The following PRH1 variants were observed in gnomAD, a reference collection of about 807,000 sequenced individuals.
PRH1 encodes the protein salivary acidic proline-rich phosphoprotein 1/2.
Under a neutral mutation model 7.9 loss-of-function variants are expected in PRH1, and 7 were observed. The observed-to-expected ratio is 0.89, with a 90% confidence interval of 0.50 to 1.67. The LOEUF (loss-of-function observed/expected upper bound fraction) is 1.67. PRH1 is among the 40% of genes most tolerant of loss of function. The pLI is 0.00. For synonymous variants in PRH1, 45 were observed against 80.8 expected (o/e 0.56, Z 2.38); for missense variants, 109 against 223.6 (o/e 0.49, Z 3.27).
At chr12:10,997,133 G>A (rs757715588) in intron 1 of PRH1, 8 of 1,614,024 alleles carry the variant, frequency 5.0e-6, no homozygotes, top group South Asian at 2.2e-5. Flanking sequence ...ATTCCAAAAC[G>A]ATATGATTAG....
In PRH1 at chr12:10,899,820, G is replaced by A. The variant is rs144561220; in HGVS notation, c.-58-15545C>T. Among the ~76,000 whole-genome samples, 725 of 152,216 alleles carry A rather than the reference G, an allele frequency of 4.8e-3. 7 individuals carry two copies. The highest frequency in any genetic ancestry group is 0.017 in the African/African-American group (696 of 41,532). On this transcript the variant is annotated intron_variant, in intron 2 of 3. Coordinates refer to the PRH1 transcript ENST00000539853. ...GAATAATATTTATAAAATTATTTCAGTGAATTAAATTAGATAAAATGGACA... is the reference window on the plus strand; with the variant it reads ...GAATAATATTTATAAAATTATTTCAATGAATTAAATTAGATAAAATGGACA...
intron 1 of PRH1, among the ~76,000 whole-genome samples, chr12:11,027,531 C>G (rs1160598015): frequency 6.6e-6 from 1 of 152,240 alleles, no homozygotes; most frequent in Non-Finnish European, 1.5e-5. Context: ...AAAAGAGACA[C>G]AATGTTTTGG....
At chr12:11,071,878 C>G (rs1271215816) in intron 1 of PRH1, among the ~76,000 whole-genome samples, 6 of 152,280 alleles carry the variant, frequency 3.9e-5, no homozygotes, top group Admixed American at 3.9e-4. Context: ...GCTCAATAAC[C>G]CCCCTTACCT....
At chr12:10,984,176 G>A (rs901088056) in intron 1 of PRH1, among the ~76,000 whole-genome samples, 8 of 151,012 alleles carry the variant, frequency 5.3e-5, no homozygotes, top group African/African-American at 1.9e-4. Context: ...CTGAAAAATT[G>A]TATGCAAAGA....
chr12:11,135,305 T>C (rs1946515365), intron 1 of PRH1, among the ~76,000 whole-genome samples: 1 of 152,068 alleles, frequency 6.6e-6, no homozygotes, highest in Non-Finnish European at 1.5e-5. Context: ...GCATAGAAAT[T>C]TGAGATAGCT....
intron 1 of PRH1, chr12:10,997,858 G>C (rs1940372373): frequency 1.2e-6 from 2 of 1,600,524 alleles, no homozygotes; most frequent in Non-Finnish European, 1.7e-6. Flanking sequence ...AAAAAACAAT[G>C]TGTAGAAAAC....
intron 1 of PRH1, chr12:11,061,850 T>C (rs1307445629): frequency 3.1e-6 from 5 of 1,614,056 alleles, no homozygotes; most frequent in African/African-American, 1.3e-5. Context: ...ATCTGATTCA[T>C]GTTTATCACA....
At position 11,080,544 on chromosome 12, in the gene PRH1, G is replaced by T. The variant is rs1489781005; in HGVS notation, n.124-33356C>A. Among the ~76,000 whole-genome samples, 5 of 106,396 alleles carry T rather than the reference G, an allele frequency of 4.7e-5. 2 individuals are homozygous for T. Among genetic ancestry groups the T allele is most frequent in the Non-Finnish European group, 1.1e-4 (5 of 44,572 alleles). 69.8% of individuals were successfully genotyped at this position (106,396 alleles called of 152,430 possible). On this transcript the variant is annotated intron_variant and non_coding_transcript_variant, in intron 1 of 4. Transcript: ENST00000541977. ...ACATTCTCCTCACAGACATAAAAAAGCCAAAAACATAGTTTGACTAAATTT... is the reference window on the plus strand; with the variant it reads ...ACATTCTCCTCACAGACATAAAAAATCCAAAAACATAGTTTGACTAAATTT...
At chr12:10,922,818 A>ATTTTTTTTTTTT (rs1338757664) in intron 2 of PRH1, among the ~76,000 whole-genome samples, 4 of 16,448 alleles carry the variant, frequency 2.4e-4, no homozygotes, top group Admixed American at 1.2e-3. Flanking sequence ...TTTTCCATGA[A>ATTTTTTTTTTTT]TTTTTTCTTT....
chr12:11,091,113 C>CATATATATATATATATAT (rs1447599116), intron 1 of PRH1, among the ~76,000 whole-genome samples: 15 of 5,666 alleles, frequency 2.6e-3, no homozygotes, highest in African/African-American at 3.9e-3. Context: ...CACACACACA[C>CATATATATATATATATAT]ACATATATAT....
At chr12:10,908,410 C>A in intron 2 of PRH1, 1 of 1,612,940 alleles carries the variant, frequency 6.2e-7, no homozygotes, top group Non-Finnish European at 8.5e-7. Context: ...CATACCTTAG[C>A]TGCCACCAAA....
chr12:10,982,260 A>G (rs995107802), intron 1 of PRH1, among the ~76,000 whole-genome samples: 1 of 152,208 alleles, frequency 6.6e-6, no homozygotes, highest in Non-Finnish European at 1.5e-5. Context: ...TCTCCAGGAA[A>G]CAGAATTGGT....
At chr12:10,883,197 A>G (rs1949436282) in intron 1 of PRH1, 101 bp from the exon 2 acceptor site, 3 of 1,342,386 alleles carry the variant, frequency 2.2e-6, no homozygotes, top group Admixed American at 1.8e-5. Context: ...CACCCTGTGC[A>G]TCCCCTTTGT....
intron 2 of PRH1, among the ~76,000 whole-genome samples, chr12:10,927,214 T>C (rs1482672931): frequency 6.6e-6 from 1 of 152,176 alleles, no homozygotes; most frequent in Non-Finnish European, 1.5e-5. Flanking sequence ...TCACCAGGCT[T>C]GCAGCTTTCT....
chr12:11,028,043 G>C (rs1419261402), intron 1 of PRH1, among the ~76,000 whole-genome samples: 2 of 152,158 alleles, frequency 1.3e-5, no homozygotes, highest in Non-Finnish European at 1.5e-5. Flanking sequence ...ACAAACATGT[G>C]CTTTCTCAGA....
At chr12:11,046,287 T>C (rs1053277339) in intron 1 of PRH1, among the ~76,000 whole-genome samples, 1 of 152,182 alleles carries the variant, frequency 6.6e-6, no homozygotes, top group Non-Finnish European at 1.5e-5. Context: ...GTCTTCACTG[T>C]GCTTGATGAT....
At chr12:10,997,581 C>A in intron 1 of PRH1, 1 of 1,614,026 alleles carries the variant, frequency 6.2e-7, no homozygotes, top group Non-Finnish European at 8.5e-7. Context: ...AGGCTAGTAG[C>A]AAGCCAGATG....
upstream of PRH1, among the ~76,000 whole-genome samples, chr12:10,884,944 A>C (rs1364588358): frequency 6.6e-6 from 1 of 152,204 alleles, no homozygotes; most frequent in African/African-American, 2.4e-5. Flanking sequence ...GTATTTTAAA[A>C]ATATCTTTAG....
At chr12:11,052,833 T>C (rs1943201441) in intron 1 of PRH1, among the ~76,000 whole-genome samples, 2 of 152,228 alleles carry the variant, frequency 1.3e-5, no homozygotes, top group African/African-American at 2.4e-5. Context: ...AATAATCTTT[T>C]ATTCTCTTTC....
Sources: allele counts gnomAD v4.1 joint callset (sites outside exome capture counted in the v4.1 genomes callset), GRCh38; gene constraint gnomAD v4.1.1; transcripts MANE v1.5; gene names NCBI Gene and HGNC (gene_info 2026-07-23, HGNC 2026-07-21).